The following ASB4 variants were observed in gnomAD, a reference collection of about 807,000 sequenced individuals.
ASB4 encodes the protein ankyrin repeat and SOCS box containing 4.
In ASB4, 35 loss-of-function variants were observed where a neutral mutation model predicts 38.6. The observed-to-expected ratio is 0.91, with a 90% CI of 0.69 to 1.20. The LOEUF is 1.20. ASB4 is among the 50% of genes most tolerant of loss of function. ASB4 has a pLI of 0.00. For missense variants in ASB4, 557 were observed against 527.2 expected, an observed-to-expected ratio of 1.06 and a Z score of -0.55; for synonymous variants, 195 against 201.3, an observed-to-expected ratio of 0.97 and a Z score of 0.26.
At chr7:95,545,676 G>C in the ASB4 span, among the ~76,000 whole-genome samples, 3 of 152,122 alleles carry the variant, frequency 2.0e-5, no homozygotes, top group Admixed American at 1.3e-4. Flanking sequence ...TACTTATGTA[G>C]AGTAAATGTT....
chr7:95,537,475 C>G (rs1454918087), intron 4 of ASB4, 96 bp from the exon 5 acceptor site: 9 of 1,073,962 alleles, frequency 8.4e-6, no homozygotes, highest in Non-Finnish European at 1.2e-5. Flanking sequence ...TAGGAAGCTG[C>G]CATTACGTAT....
intron 2 of ASB4, among the ~76,000 whole-genome samples, chr7:95,507,240 C>T (rs1790423102): frequency 6.6e-6 from 1 of 151,712 alleles, no homozygotes; most frequent in South Asian, 2.1e-4. Flanking sequence ...TGAGATTGGT[C>T]AGATTCTCCG....
At chr7:95,516,631 A>G (rs1790586893) in intron 2 of ASB4, among the ~76,000 whole-genome samples, 1 of 152,240 alleles carries the variant, frequency 6.6e-6, no homozygotes, top group South Asian at 2.1e-4. Context: ...TGTTTTCAAT[A>G]TGGCTTAAAA....
At chr7:95,493,173 ATATAGATTCTTC>A (rs950822095) in intron 1 of ASB4, among the ~76,000 whole-genome samples, 1 of 152,200 alleles carries the variant, frequency 6.6e-6, no homozygotes, top group Non-Finnish European at 1.5e-5. Flanking sequence ...TATTAGCTGA[ATATAGATTCTTC>A]TATAAATTCA....
chr7:95,503,246 C>G (rs1220987041), intron 2 of ASB4, among the ~76,000 whole-genome samples: 2 of 152,088 alleles, frequency 1.3e-5, no homozygotes, highest in African/African-American at 2.4e-5. Flanking sequence ...GAAAACAAAC[C>G]TGTGAATCAG....
chr7:95,548,579 A>G, the ASB4 span, among the ~76,000 whole-genome samples: 1 of 152,212 alleles, frequency 6.6e-6, no homozygotes, highest in Admixed American at 6.5e-5. Flanking sequence ...TCAACACCCC[A>G]CAGTTGGTAG....
rs988295946 is a variant in ASB4, at chr7:95,533,678, C to G, written c.979-2759C>G. ...GCAGACTTGAGTTTAAATCCTGACT[C>G]TACCATTTCCTAGCTAAAAGACCCA... On this transcript the variant is annotated intron_variant, in intron 3 of 4. Transcript: ENST00000325885. Among the ~76,000 whole-genome samples the G allele has an allele frequency of 9.2e-5, 14 of 152,146 alleles. 1 individual carries two copies. The highest frequency in any genetic ancestry group is 7.2e-4 in the Admixed American group (11 of 15,270).
intron 2 of ASB4, among the ~76,000 whole-genome samples, chr7:95,517,333 C>A (rs965652417): frequency 6.6e-6 from 1 of 151,926 alleles, no homozygotes; most frequent in Non-Finnish European, 1.5e-5. Context: ...CATGCCAGGT[C>A]TAGTTTTAAT....
chr7:95,528,987 CG>C (rs1321242672), intron 3 of ASB4, among the ~76,000 whole-genome samples: 4 of 152,100 alleles, frequency 2.6e-5, no homozygotes, highest in Non-Finnish European at 5.9e-5. Flanking sequence ...TCACACTGCA[CG>C]GTTTTTCTTA....
chr7:95,482,449 C>A (rs1272258131), upstream of ASB4, among the ~76,000 whole-genome samples: 1 of 152,164 alleles, frequency 6.6e-6, no homozygotes, highest in African/African-American at 2.4e-5. Context: ...TGAAGTTTGC[C>A]AACCTGAGGA....
At chr7:95,518,070 A>T (rs1346041757) in intron 2 of ASB4, among the ~76,000 whole-genome samples, 1 of 152,328 alleles carries the variant, frequency 6.6e-6, no homozygotes, top group Non-Finnish European at 1.5e-5. Flanking sequence ...AAAAGGATAG[A>T]GAGAAGGTAA....
chr7:95,491,473 G>A (rs1196503946), intron 1 of ASB4, among the ~76,000 whole-genome samples: 2 of 152,212 alleles, frequency 1.3e-5, no homozygotes, highest in African/African-American at 4.8e-5. Flanking sequence ...AGGGCAGCCT[G>A]AAGTCTGCAG....
chr7:95,502,455 C>T (rs1790355047), intron 2 of ASB4, among the ~76,000 whole-genome samples: 1 of 151,710 alleles, frequency 6.6e-6, no homozygotes, highest in East Asian at 1.9e-4. Flanking sequence ...TTAGAAAATT[C>T]GCCTCTAGGA....
At chr7:95,543,385 T>A (rs1331867372), downstream of ASB4, 1 of 55,588 alleles carries the variant, frequency 1.8e-5, no homozygotes, top group Non-Finnish European at 5.0e-5. Flanking sequence ...CCTTAATTAG[T>A]TTCTTTTCAG....
At chr7:95,507,297 G>C (rs1790423763) in intron 2 of ASB4, among the ~76,000 whole-genome samples, 1 of 151,570 alleles carries the variant, frequency 6.6e-6, no homozygotes, top group South Asian at 2.1e-4. Context: ...AGACCTAAAT[G>C]CCATTATTCC....
rs1013022962 is a variant in ASB4 at position 95,538,110 on chromosome 7, C to T, written c.*351C>T. 8 of 178,062 alleles carry T rather than the reference C, an allele frequency of 4.5e-5. No homozygotes were observed. Among genetic ancestry groups the T allele is most frequent in the African/African-American group, 1.4e-4 (6 of 42,624 alleles). The allele number at this position is 178,062 out of a possible 1,614,324, so 11.0% of individuals were successfully genotyped here. Reference sequence around the variant, plus strand: ...TTCTTCCAACCAATATAATTCTGTGCCTTATCAGTAATATGTTTACATTCT... The same window carrying T: ...TTCTTCCAACCAATATAATTCTGTGTCTTATCAGTAATATGTTTACATTCT... On this transcript the variant is annotated 3_prime_UTR_variant, in exon 5 of 5. Transcript: ENST00000325885.
chr7:95,494,743 G>A (rs1023686812), intron 1 of ASB4, among the ~76,000 whole-genome samples: 37 of 152,264 alleles, frequency 2.4e-4, no homozygotes, highest in African/African-American at 7.7e-4. Context: ...GTTATAGCTT[G>A]TCAAATGTGG....
chr7:95,491,463 AG>A (rs1790170381), intron 1 of ASB4, among the ~76,000 whole-genome samples: 1 of 152,206 alleles, frequency 6.6e-6, no homozygotes, highest in East Asian at 1.9e-4. Context: ...ACATAGTAAA[AG>A]GGCAGCCTGA....
upstream of ASB4, among the ~76,000 whole-genome samples, chr7:95,474,686 T>G (rs2116560012): frequency 6.6e-6 from 1 of 152,140 alleles, no homozygotes. Context: ...CATGCCAGGC[T>G]AATTTAAAAA....
Sources: allele counts gnomAD v4.1 joint callset (sites outside exome capture counted in the v4.1 genomes callset), GRCh38; gene constraint gnomAD v4.1.1; transcripts MANE v1.5; gene names NCBI Gene and HGNC (gene_info 2026-07-23, HGNC 2026-07-21).